XRCC1: variants seen among roughly 807,000 people sequenced by gnomAD.
XRCC1 encodes DNA repair protein XRCC1.
In XRCC1, 52 loss-of-function variants were observed where a neutral mutation model predicts 83.3. That is an observed-to-expected ratio of 0.62 (90% confidence interval 0.50 to 0.79). The LOEUF (loss-of-function observed/expected upper bound fraction) is 0.79, where lower values mean the gene tolerates loss of function less well. XRCC1 is among the 30% of genes least tolerant of loss of function. The pLI, the probability that XRCC1 is intolerant of heterozygous loss-of-function variation, is 0.00. For missense variants in XRCC1, 793 were observed against 823.5 expected (o/e 0.96, Z 0.45); for synonymous variants, 281 against 312.6 (o/e 0.90, Z 1.07).
Position 43,544,180 on chromosome 19 carries a change from C to A in XRCC1, c.1676G>T (p.Arg559Leu), listed in dbSNP as rs2307167. 6.2e-7 allele frequency: 1 copy of A among 1,610,792 alleles called. No individual in the cohort carries two copies. Among genetic ancestry groups the A allele is most frequent in the African/African-American group, 1.3e-5 (1 of 74,846 alleles). Residue 559 changes from arginine (R) to leucine (L), a missense_variant, in exon 15 of 17, where the codon CGG becomes CTG. Arg to Leu is a moderately radical substitution (Grantham distance 102). Transcript: ENST00000262887. ...FLYGEFPGDE[R>L]RKLIRYVTAF... ...TGTGACGTATCGGATGAGTTTCCGC[C>A]GCTCGTCCCCAGGGAACTCCCCGTA...
chr19:43,571,782 C>T (rs1030159966), intron 2 of XRCC1, among the ~76,000 whole-genome samples: 1 of 152,152 alleles, frequency 6.6e-6, no homozygotes, highest in African/African-American at 2.4e-5. Context: ...CTTACTGCAC[C>T]CCACTGAGAG....
intron 10 of XRCC1, among the ~76,000 whole-genome samples, chr19:43,550,125 AG>A (rs1379137682): frequency 6.6e-6 from 1 of 152,064 alleles, no homozygotes; most frequent in African/African-American, 2.4e-5. Context: ...AGGCCTCTGG[AG>A]CTGGATGGGC....
intron 2 of XRCC1, among the ~76,000 whole-genome samples, chr19:43,570,988 A>G (rs1274121114): frequency 6.6e-6 from 1 of 152,194 alleles, no homozygotes; most frequent in African/African-American, 2.4e-5. Flanking sequence ...TGCAATGCTG[A>G]TCTCCCACTC....
At chr19:43,562,165 A>C (rs1432265852) in intron 2 of XRCC1, among the ~76,000 whole-genome samples, 1 of 149,924 alleles carries the variant, frequency 6.7e-6, no homozygotes, top group Non-Finnish European at 1.5e-5. Context: ...AAAAAAAAAA[A>C]CCAAGGTACC....
chr19:43,562,225 C>CA (rs1972706860), intron 2 of XRCC1, among the ~76,000 whole-genome samples: 1 of 151,952 alleles, frequency 6.6e-6, no homozygotes, highest in Non-Finnish European at 1.5e-5. Flanking sequence ...ACAGATGCTC[C>CA]AATCTGCTCT....
Position 43,575,479 on chromosome 19 carries a change from C to A in XRCC1, c.-21G>T. 6.2e-7 allele frequency: 1 copy of A among 1,611,700 alleles called. No homozygotes were observed. Among genetic ancestry groups the A allele is most frequent in the South Asian group, 1.1e-5 (1 of 90,816 alleles). ...GGCATGTCAACGTCGTGGGCTTCGC[C>A]TGGCCAGAAGGATGAGGTAGAGTAT... is the stretch of plus-strand genomic sequence containing the variant. On this transcript the variant is annotated 5_prime_UTR_variant, in exon 1 of 17. The change creates a new upstream start codon in the 5' untranslated region. Coordinates refer to ENST00000262887, the MANE Select transcript of XRCC1 (RefSeq NM_006297.3).
chr19:43,567,562 T>C (rs955879995), intron 2 of XRCC1, among the ~76,000 whole-genome samples: 1 of 152,216 alleles, frequency 6.6e-6, no homozygotes, highest in Non-Finnish European at 1.5e-5. Flanking sequence ...TCCACCCGCC[T>C]TGGCCTCCCA....
chr19:43,553,811 G>A (rs1315503103), intron 4 of XRCC1, 128 bp from the exon 5 acceptor site: 8 of 722,484 alleles, frequency 1.1e-5, no homozygotes, highest in Non-Finnish European at 1.8e-5. Context: ...TTGAAGGAGG[G>A]GCCCTGGCGA....
At chr19:43,547,109 T>A in intron 10 of XRCC1, 132 bp from the exon 11 acceptor site, 1 of 867,262 alleles carries the variant, frequency 1.2e-6, no homozygotes, top group Non-Finnish European at 1.7e-6. Context: ...CAGCCCATTC[T>A]CTCCCAGCTC....
intron 3 of XRCC1, among the ~76,000 whole-genome samples, chr19:43,555,952 C>G (rs1390005399): frequency 6.6e-6 from 1 of 152,120 alleles, no homozygotes; most frequent in Non-Finnish European, 1.5e-5. Flanking sequence ...CACAGTGGTG[C>G]GATCATAGCT....
chr19:43,566,936 T>C (rs1425801305), intron 2 of XRCC1, among the ~76,000 whole-genome samples: 1 of 147,620 alleles, frequency 6.8e-6, no homozygotes, highest in African/African-American at 2.5e-5. Context: ...TAAATGTCCA[T>C]CAGTTGATGA....
At chr19:43,566,234 TA>T (rs768641209) in intron 2 of XRCC1, among the ~76,000 whole-genome samples, 435 of 132,086 alleles carry the variant, frequency 3.3e-3, no homozygotes, top group Middle Eastern at 8.3e-3. Context: ...AGACTCCATC[TA>T]AAAAAAAAAA....
At chr19:43,568,872 C>A (rs1972780084) in intron 2 of XRCC1, among the ~76,000 whole-genome samples, 1 of 151,110 alleles carries the variant, frequency 6.6e-6, no homozygotes, top group Non-Finnish European at 1.5e-5. Context: ...GCATATAATA[C>A]CCATTCAGAA....
Position 43,546,672 on chromosome 19 carries a change from T to C in XRCC1, c.1349A>G (p.Lys450Arg). ...TQAAGPSSPQ[K>R]PPTPEETKAA... is the part of the protein sequence containing the mutation. ...TTTGGTCTCTTCAGGGGTTGGGGGC[T>C]TCTGGGGTGAGCTGGGTCCAGCTGC... is the stretch of plus-strand genomic sequence containing the variant. Residue 450 changes from lysine to arginine, a missense_variant, in exon 12 of 17, where the codon AAG becomes AGG. Lys to Arg is a conservative substitution (Grantham distance 26). Coordinates refer to ENST00000262887, the MANE Select transcript of XRCC1 (RefSeq NM_006297.3). 4 of 1,610,836 alleles carry C rather than the reference T, an allele frequency of 2.5e-6. No homozygotes were observed. The highest frequency in any genetic ancestry group is 3.4e-6 in the Non-Finnish European group (4 of 1,179,150).
chr19:43,556,501 G>A (rs3213344), intron 3 of XRCC1, among the ~76,000 whole-genome samples: 1 of 152,104 alleles, frequency 6.6e-6, no homozygotes, highest in African/African-American at 2.4e-5. Context: ...TTAGCAATCT[G>A]CATTGAAAAA....
Position 43,561,027 on chromosome 19 carries a change from G to A in XRCC1, c.145-7C>T, listed in dbSNP as rs35954161. ...TCTGCTCCTCCTTCTCCAACTGTGG[G>A]CAGAGAGAGAGGCCACTGTCAGTGC... is the stretch of plus-strand genomic sequence containing the variant. On this transcript the variant is annotated splice_region_variant and splice_polypyrimidine_tract_variant and intron_variant, in intron 2 of 16. Coordinates refer to ENST00000262887, the MANE Select transcript of XRCC1 (RefSeq NM_006297.3). 2 of 1,610,760 alleles carry A rather than the reference G, an allele frequency of 1.2e-6. No homozygotes were observed. The highest frequency in any genetic ancestry group is 2.2e-5 in the South Asian group (2 of 91,040).
Position 43,548,803 on chromosome 19 carries a change from T to G in XRCC1, c.1200-1826A>C, listed in dbSNP as rs1034603996. On this transcript the variant is annotated intron_variant, in intron 10 of 16. Coordinates refer to ENST00000262887, the MANE Select transcript of XRCC1 (RefSeq NM_006297.3). ...AAAAAAAAACACAACAGTAGCAGGT[T>G]GACACTTACATGGGACTTCCTACAT... is the stretch of plus-strand genomic sequence containing the variant. 2.2e-5 allele frequency among the ~76,000 whole-genome samples: 3 copies of G among 138,898 alleles called. No individual in the cohort carries two copies. The East Asian group carries it at 6.4e-4, about 30-fold the overall frequency. 91.1% of individuals were successfully genotyped at this position (138,898 alleles called of 152,430 possible).
rs772676048 is a variant in XRCC1, at chr19:43,569,110, T to TA, written c.144+5799dup. On this transcript the variant is annotated intron_variant, in intron 2 of 16. Transcript: ENST00000262887. ...CTTGGCAACATAGTGAGACTCCGTT[T>TA]AAAAAAGAAAATCAAATATAAATAA... Among the ~76,000 whole-genome samples the TA allele has an allele frequency of 3.1e-4, 47 of 149,676 alleles. 1 individual carries two copies. In the East Asian group the frequency reaches 3.5e-3, roughly 11 times the overall value.
chr19:43,548,228 G>T (rs1460435914), intron 10 of XRCC1, among the ~76,000 whole-genome samples: 4 of 152,122 alleles, frequency 2.6e-5, no homozygotes, highest in Non-Finnish European at 5.9e-5. Context: ...CCCCTTCTGG[G>T]AAGTGAGGAG....
Sources: gnomAD v4.1 joint callset for allele counts (sites outside exome capture counted in the v4.1 genomes callset) on GRCh38, gnomAD v4.1.1 for gene constraint, MANE v1.5 for transcripts, NCBI Gene and HGNC (gene_info 2026-07-23, HGNC 2026-07-21) for gene names.